HSD17B12: variants seen among roughly 807,000 people sequenced by gnomAD.
The protein encoded by HSD17B12 is very-long-chain 3-oxoacyl-CoA reductase.
Under a neutral mutation model 39.3 loss-of-function variants are expected in HSD17B12, and 32 were observed. The ratio of observed to expected loss-of-function variants is 0.81; its 90% CI spans 0.61 to 1.09. The LOEUF (loss-of-function observed/expected upper bound fraction) is 1.09, where lower values mean the gene tolerates loss of function less well. Among genes scored for constraint, HSD17B12 ranks in the 50% least tolerant of loss-of-function variants. The probability of loss-of-function intolerance (pLI) is 0.00; values close to 1 mark genes in which losing one functional copy is unlikely to be tolerated. For missense variants in HSD17B12, 342 were observed against 382.9 expected (o/e 0.89, Z 0.89); for synonymous variants, 150 against 146.7 (o/e 1.02, Z -0.16).
chr11:43,671,584 G>A, the HSD17B12 span, among the ~76,000 whole-genome samples: 4 of 152,206 alleles, frequency 2.6e-5, no homozygotes, highest in Admixed American at 2.6e-4. Flanking sequence ...TAGATCTGCT[G>A]ATGCAATAAA....
the HSD17B12 span, among the ~76,000 whole-genome samples, chr11:43,647,245 G>A: frequency 1.6e-3 from 236 of 152,056 alleles, no homozygotes; most frequent in African/African-American, 5.5e-3. Flanking sequence ...TTGTTTTCCC[G>A]CATATAACTA....
intron 1 of HSD17B12, among the ~76,000 whole-genome samples, chr11:43,734,739 T>TG (rs367772189): frequency 3.3e-5 from 5 of 152,204 alleles, no homozygotes; most frequent in East Asian, 3.9e-4. Context: ...CCCCAAAAAA[T>TG]GGGGGGGCAG....
intron 1 of HSD17B12, among the ~76,000 whole-genome samples, chr11:43,711,915 GC>G (rs1019569903): frequency 6.6e-6 from 1 of 151,938 alleles, no homozygotes; most frequent in African/African-American, 2.4e-5. Flanking sequence ...AATTTGAAGG[GC>G]CCCCCAGCCC....
chr11:43,593,029 C>T, the HSD17B12 span, among the ~76,000 whole-genome samples: 3 of 152,266 alleles, frequency 2.0e-5, no homozygotes, highest in South Asian at 6.2e-4. Flanking sequence ...AACATCTTAG[C>T]TTAGTGATGT....
chr11:43,665,276 T>C, the HSD17B12 span, among the ~76,000 whole-genome samples: 1 of 152,158 alleles, frequency 6.6e-6, no homozygotes, highest in South Asian at 2.1e-4. Flanking sequence ...TGGAGTGCGG[T>C]GGTGCGATCT....
chr11:43,650,536 G>A, the HSD17B12 span, among the ~76,000 whole-genome samples: 36 of 152,274 alleles, frequency 2.4e-4, no homozygotes, highest in African/African-American at 6.5e-4. Flanking sequence ...TGGTGGAGCC[G>A]TTCTGGAGAG....
intron 1 of HSD17B12, among the ~76,000 whole-genome samples, chr11:43,693,689 A>G (rs959077482): frequency 6.6e-6 from 1 of 152,206 alleles, no homozygotes. Flanking sequence ...ATTTTTTAGA[A>G]ATTTAAATAC....
intron 3 of HSD17B12, among the ~76,000 whole-genome samples, chr11:43,757,582 G>A (rs568400277): frequency 2.0e-4 from 25 of 123,976 alleles, no homozygotes; most frequent in African/African-American, 7.4e-4. Context: ...GCAGTGAGCC[G>A]AGATTGCGCC....
chr11:43,754,122 G>A lies in HSD17B12; in HGVS notation c.283+1G>A. Reference sequence around the variant, plus strand: ...CTTGACCAGGTTTCCAGTGAAATAAGTAAGTTCTCACATCAAACAAAAGGA... The same window carrying A: ...CTTGACCAGGTTTCCAGTGAAATAAATAAGTTCTCACATCAAACAAAAGGA... On this transcript the variant is annotated splice_donor_variant, in intron 3 of 10. Transcript: ENST00000278353. LOFTEE classifies it high-confidence loss of function. 6.2e-7 allele frequency: 1 copy of A among 1,601,578 alleles called. No homozygotes were observed. Among genetic ancestry groups the A allele is most frequent in the Non-Finnish European group, 8.5e-7 (1 of 1,169,626 alleles).
intron 3 of HSD17B12, among the ~76,000 whole-genome samples, chr11:43,784,319 T>TTAG (rs1481178920): frequency 6.8e-6 from 1 of 147,988 alleles, no homozygotes; most frequent in Non-Finnish European, 1.5e-5. Context: ...ATTATTATTA[T>TTAG]TATTATTATT....
intron 1 of HSD17B12, among the ~76,000 whole-genome samples, chr11:43,720,479 T>A (rs1312244721): frequency 6.6e-6 from 1 of 152,246 alleles, no homozygotes; most frequent in Non-Finnish European, 1.5e-5. Flanking sequence ...ATAGCAATTT[T>A]CTCATGGTTC....
At chr11:43,847,427 A>G (rs1291293661) in intron 9 of HSD17B12, among the ~76,000 whole-genome samples, 1 of 152,176 alleles carries the variant, frequency 6.6e-6, no homozygotes, top group Non-Finnish European at 1.5e-5. Context: ...TCTGGGCGCC[A>G]TGCACGGTGG....
At chr11:43,625,460 A>G in the HSD17B12 span, among the ~76,000 whole-genome samples, 2 of 151,592 alleles carry the variant, frequency 1.3e-5, no homozygotes, top group African/African-American at 4.8e-5. Context: ...AATCTGAAAC[A>G]TTAAACTTTG....
chr11:43,732,876 A>G (rs746241901), intron 1 of HSD17B12, among the ~76,000 whole-genome samples: 7 of 152,142 alleles, frequency 4.6e-5, no homozygotes, highest in East Asian at 3.9e-4. Context: ...GGCTCAGGCA[A>G]TCGTCTTGCC....
At position 43,685,390 on chromosome 11, in the gene HSD17B12, A is replaced by G. The variant is rs148805382; in HGVS notation, c.160+4403A>G. Among the ~76,000 whole-genome samples the G allele has an allele frequency of 3.6e-3, 549 of 152,350 alleles. 4 individuals carry two copies. The highest frequency in any genetic ancestry group is 0.013 in the African/African-American group (525 of 41,574). Reference sequence around the variant, plus strand: ...ATGACTGAAGAATACTTGTGTAACTAGAGCTTATTAATAGTAGGTGTCTTT... The same window carrying G: ...ATGACTGAAGAATACTTGTGTAACTGGAGCTTATTAATAGTAGGTGTCTTT... On this transcript the variant is annotated intron_variant, in intron 1 of 10. Transcript: ENST00000278353.
At position 43,757,654 on chromosome 11, in the gene HSD17B12, A is replaced by ACAAAC. The variant is rs1212227509; in HGVS notation, c.283+3533_283+3534insCAAAC. ...GACTCCGTCTCAAAAAAAAAAAAAA[A>ACAAAC]AAAAAAAAAAAAACAAATAGGTAAA... is the stretch of plus-strand genomic sequence containing the variant. On this transcript the variant is annotated intron_variant, in intron 3 of 10. Transcript: ENST00000278353. Among the ~76,000 whole-genome samples the ACAAAC allele has an allele frequency of 4.9e-5, 7 of 143,484 alleles. 1 individual carries two copies. Among genetic ancestry groups the ACAAAC allele is most frequent in the African/African-American group, 1.3e-4 (5 of 38,772 alleles). 94.1% of individuals were successfully genotyped at this position (143,484 alleles called of 152,430 possible).
the HSD17B12 span, chr11:43,569,370 T>C: frequency 3.3e-5 from 5 of 152,302 alleles, no homozygotes; most frequent in Non-Finnish European, 7.3e-5. Context: ...GAGCAATTGG[T>C]TGTCATTGTC....
intron 1 of HSD17B12, among the ~76,000 whole-genome samples, chr11:43,728,810 C>T (rs1950243490): frequency 6.6e-6 from 1 of 152,098 alleles, no homozygotes; most frequent in African/African-American, 2.4e-5. Flanking sequence ...GTATCATAGA[C>T]AGGTTTTCAC....
chr11:43,702,488 A>G (rs1217458583), intron 1 of HSD17B12, among the ~76,000 whole-genome samples: 1 of 152,146 alleles, frequency 6.6e-6, no homozygotes, highest in Non-Finnish European at 1.5e-5. Flanking sequence ...TTCCTGCTAT[A>G]CCCAGTTTTT....
Sources: gnomAD v4.1 joint callset for allele counts (sites outside exome capture counted in the v4.1 genomes callset) on GRCh38, gnomAD v4.1.1 for gene constraint, MANE v1.5 for transcripts, NCBI Gene and HGNC (gene_info 2026-07-23, HGNC 2026-07-21) for gene names.